The following TFG variants were observed in gnomAD, a reference collection of about 807,000 sequenced individuals.
TFG encodes trafficking from ER to golgi regulator.
TFG carries 22 observed loss-of-function variants against 51.4 expected under a neutral mutation model. The observed-to-expected ratio is 0.43, with a 90% CI of 0.31 to 0.61. The LOEUF is 0.61. Ranked by LOEUF, TFG falls within the 20% of genes least tolerant of loss-of-function variation. The pLI is 0.12. For missense variants in TFG, 419 were observed against 487.7 expected, an observed-to-expected ratio of 0.86 and a Z score of 1.33; for synonymous variants, 187 against 165.6, an observed-to-expected ratio of 1.13 and a Z score of -0.99.
At chr3:100,710,067 A>AT (rs1448239306) in intron 1 of TFG, 1 of 151,942 alleles carries the variant, frequency 6.6e-6, no homozygotes, top group African/African-American at 2.4e-5. Context: ...AAGCGTTTGG[A>AT]TTGAGAGGAG....
intron 3 of TFG, among the ~76,000 whole-genome samples, chr3:100,728,476 A>G (rs2095082049): frequency 6.6e-6 from 1 of 152,032 alleles, no homozygotes; most frequent in Middle Eastern, 3.4e-3. Flanking sequence ...CCTTTTTACC[A>G]GTAAGGTCAT....
intron 1 of TFG, among the ~76,000 whole-genome samples, chr3:100,711,424 T>C (rs888575688): frequency 6.6e-6 from 1 of 152,108 alleles, no homozygotes; most frequent in African/African-American, 2.4e-5. Flanking sequence ...TCCATTGAAA[T>C]TGGGCAACAA....
chr3:100,729,254 C>T lies in TFG; in HGVS notation c.415+396C>T, dbSNP rs72930720. Among the ~76,000 whole-genome samples, 745 of 152,212 alleles carry T rather than the reference C, an allele frequency of 4.9e-3. 6 individuals are homozygous for T. The highest frequency in any genetic ancestry group is 0.017 in the African/African-American group (711 of 41,532). On this transcript the variant is annotated intron_variant, in intron 4 of 7. Transcript: ENST00000240851. ...GAACCTTGGGAATTGAAAATCATTT[C>T]ATGAATAATTACATAGTGTTGGAAG...
chr3:100,713,593 A>C, intron 1 of TFG, 50 bp from the exon 2 acceptor site: 2 of 888,706 alleles, frequency 2.3e-6, no homozygotes, highest in Non-Finnish European at 1.6e-6. Flanking sequence ...CTTTGCTCTC[A>C]ACTTTTACGG....
intron 2 of TFG, among the ~76,000 whole-genome samples, chr3:100,714,626 T>C (rs1039750957): frequency 5.9e-5 from 9 of 152,320 alleles, no homozygotes; most frequent in Admixed American, 5.9e-4. Context: ...TCTTTTAGCT[T>C]AAAAAAATTT....
At chr3:100,744,798 CT>C in intron 6 of TFG, 34 bp from the exon 7 acceptor site, 1 of 1,458,796 alleles carries the variant, frequency 6.9e-7, no homozygotes, top group Non-Finnish European at 9.6e-7. Context: ...TTAAACATGC[CT>C]TTTTTCCTTG....
chr3:100,732,741 T>G, intron 5 of TFG, 69 bp downstream of exon 5: 2 of 1,333,592 alleles, frequency 1.5e-6, no homozygotes, highest in Non-Finnish European at 2.1e-6. Flanking sequence ...TTTCCTTCTT[T>G]CTTTAATTGA....
chr3:100,719,013 ATACT>A (rs1265666861), intron 2 of TFG, among the ~76,000 whole-genome samples: 1 of 152,232 alleles, frequency 6.6e-6, no homozygotes, highest in African/African-American at 2.4e-5. Context: ...TTTTACATAC[ATACT>A]TTATTTTCTT....
intron 7 of TFG, among the ~76,000 whole-genome samples, chr3:100,745,957 A>G (rs982504107): frequency 6.6e-6 from 1 of 152,002 alleles, no homozygotes; most frequent in South Asian, 2.1e-4. Context: ...AAGTTTGCTG[A>G]CTCCTGACCT....
At chr3:100,710,721 TTA>T (rs1196945460) in intron 1 of TFG, among the ~76,000 whole-genome samples, 1 of 152,188 alleles carries the variant, frequency 6.6e-6, no homozygotes, top group Non-Finnish European at 1.5e-5. Flanking sequence ...GAGGGTTATA[TTA>T]TACAAGTTAG....
At chr3:100,714,633 A>T (rs537106350) in intron 2 of TFG, among the ~76,000 whole-genome samples, 43 of 152,142 alleles carry the variant, frequency 2.8e-4, no homozygotes, top group East Asian at 1.9e-3. Context: ...GCTTAAAAAA[A>T]TTTTTTTTCT....
chr3:100,735,428 C>T (rs765413318), intron 5 of TFG, among the ~76,000 whole-genome samples: 12 of 152,154 alleles, frequency 7.9e-5, no homozygotes, highest in Non-Finnish European at 1.6e-4. Flanking sequence ...TTTATAAGCC[C>T]ATGCTATAAG....
chr3:100,711,818 A>G (rs1030887074), intron 1 of TFG, among the ~76,000 whole-genome samples: 3 of 152,222 alleles, frequency 2.0e-5, no homozygotes, highest in African/African-American at 7.2e-5. Context: ...AAGATGGAAT[A>G]TTTACCATCT....
chr3:100,728,922 A>C, intron 4 of TFG, 64 bp downstream of exon 4: 1 of 1,383,844 alleles, frequency 7.2e-7, no homozygotes, highest in Non-Finnish European at 9.6e-7. Context: ...GTTTTAAAAA[A>C]CTCTTTTTAA....
At position 100,748,621 on chromosome 3, in the gene TFG, A is replaced by T; in HGVS notation, c.*90A>T. On this transcript the variant is annotated 3_prime_UTR_variant, in exon 8 of 8. Transcript: ENST00000240851. Reference sequence around the variant, plus strand: ...ATTTTAATTTGTATTGAAGAAGTTCAGAAATTTAAAAGCAGAGCATTTTTT... The same window carrying T: ...ATTTTAATTTGTATTGAAGAAGTTCTGAAATTTAAAAGCAGAGCATTTTTT... 3 of 1,335,272 alleles carry T rather than the reference A, an allele frequency of 2.2e-6. No individual in the cohort carries two copies. The highest frequency in any genetic ancestry group is 3.0e-6 in the Non-Finnish European group (3 of 1,003,904). The allele number at this position is 1,335,272 out of a possible 1,614,324, so 82.7% of individuals were successfully genotyped here.
intron 4 of TFG, among the ~76,000 whole-genome samples, chr3:100,730,865 A>C (rs2149080825): frequency 6.6e-6 from 1 of 152,366 alleles, no homozygotes; most frequent in South Asian, 2.1e-4. Context: ...GAAAAGAGGC[A>C]TAGGTAGTGA....
At chr3:100,727,135 C>T (rs1452776960) in intron 3 of TFG, among the ~76,000 whole-genome samples, 1 of 152,150 alleles carries the variant, frequency 6.6e-6, no homozygotes, top group Non-Finnish European at 1.5e-5. Context: ...TGTTGGTGTT[C>T]TTTGAAATAT....
rs544499188 is a variant in TFG at position 100,711,634 on chromosome 3, A to G, written c.-44+1913A>G. On this transcript the variant is annotated intron_variant, in intron 1 of 7. Transcript: ENST00000240851. The stretch of plus-strand genomic sequence containing the variant: ...AATTTAAACAAAGTCTTTAAATTCT[A>G]TATGTCAGGCACTTTTCTAGGTGCT... Among the ~76,000 whole-genome samples, 4 of 152,260 alleles carry G rather than the reference A, an allele frequency of 2.6e-5. No homozygotes were observed. In the East Asian group the frequency reaches 5.8e-4, roughly 22 times the overall value.
intron 1 of TFG, among the ~76,000 whole-genome samples, chr3:100,712,550 A>G (rs1032179042): frequency 6.6e-6 from 1 of 152,190 alleles, no homozygotes; most frequent in Non-Finnish European, 1.5e-5. Context: ...ATTATAGATA[A>G]CATTCAGGAA....
Sources: gnomAD v4.1 joint callset for allele counts (sites outside exome capture counted in the v4.1 genomes callset) on GRCh38, gnomAD v4.1.1 for gene constraint, MANE v1.5 for transcripts, NCBI Gene and HGNC (gene_info 2026-07-23, HGNC 2026-07-21) for gene names.